Variants in QKI observed in about 807,000 individuals in gnomAD.
QKI encodes the protein QKI, KH domain containing RNA binding, also known as KH domain-containing RNA-binding protein QKI.
In QKI, 10 loss-of-function variants were observed where a neutral mutation model predicts 39.0. The ratio of observed to expected loss-of-function variants is 0.26; its 90% CI spans 0.16 to 0.43. The LOEUF (loss-of-function observed/expected upper bound fraction) is 0.43, where lower values mean the gene tolerates loss of function less well. Among genes scored for constraint, QKI ranks in the 20% least tolerant of loss-of-function variants. The probability of loss-of-function intolerance (pLI) is 1.00; values close to 1 mark genes in which losing one functional copy is unlikely to be tolerated. For synonymous variants in QKI, 204 were observed against 155.4 expected, an observed-to-expected ratio of 1.31 and a Z score of -2.33; for missense variants, 218 against 428.0, an observed-to-expected ratio of 0.51 and a Z score of 4.33.
rs751597293 is a variant in QKI at position 163,534,962 on chromosome 6, G to A, written c.403-20G>A. ...CTTTAAAGAGAATAATTTTAATCAT[G>A]TACTCTGTAAATTTTTTAGGAGGAG... On this transcript the variant is annotated intron_variant, in intron 3 of 7. Transcript: ENST00000361752. 22 of 1,575,098 alleles carry A rather than the reference G, an allele frequency of 1.4e-5. No homozygotes were observed. The highest frequency in any genetic ancestry group is 1.7e-5 in the Non-Finnish European group (20 of 1,158,400).
At chr6:163,533,267 T>A (rs940135159) in intron 3 of QKI, among the ~76,000 whole-genome samples, 1 of 152,212 alleles carries the variant, frequency 6.6e-6, no homozygotes, top group Non-Finnish European at 1.5e-5. Context: ...TTAATACATA[T>A]TTTATTTCTT....
chr6:163,484,875 C>G (rs1322646823), intron 3 of QKI, among the ~76,000 whole-genome samples: 1 of 152,012 alleles, frequency 6.6e-6, no homozygotes, highest in Non-Finnish European at 1.5e-5. Flanking sequence ...CTTGGAGACA[C>G]GAATTGAGCA....
intron 3 of QKI, among the ~76,000 whole-genome samples, chr6:163,497,639 T>TAAA (rs57352765): frequency 4.7e-5 from 7 of 148,412 alleles, no homozygotes; most frequent in African/African-American, 1.7e-4. Flanking sequence ...TATTGTTTGT[T>TAAA]AAAAAAAAAA....
intron 2 of QKI, among the ~76,000 whole-genome samples, chr6:163,475,541 A>G (rs1230131968): frequency 6.6e-6 from 1 of 152,152 alleles, no homozygotes; most frequent in African/African-American, 2.4e-5. Context: ...ACCTGTAACC[A>G]ATCCCCCCCA....
chr6:163,554,572 T>C (rs1782465675), intron 4 of QKI, among the ~76,000 whole-genome samples: 1 of 152,264 alleles, frequency 6.6e-6, no homozygotes, highest in Non-Finnish European at 1.5e-5. Flanking sequence ...ACATCTCCAC[T>C]TAGGTGTTTA....
intron 1 of QKI, among the ~76,000 whole-genome samples, chr6:163,418,067 A>C (rs2128206287): frequency 1.3e-5 from 2 of 149,424 alleles, no homozygotes; most frequent in South Asian, 4.2e-4. Context: ...CAAATTGATC[A>C]TGACTTTTGT....
chr6:163,417,177 A>C (rs1371522883), intron 1 of QKI, among the ~76,000 whole-genome samples: 1 of 151,990 alleles, frequency 6.6e-6, no homozygotes, highest in Non-Finnish European at 1.5e-5. Context: ...TCAAAATAAC[A>C]CTCTTACTGT....
chr6:163,532,950 A>G (rs1780953620), intron 3 of QKI, among the ~76,000 whole-genome samples: 1 of 152,130 alleles, frequency 6.6e-6, no homozygotes, highest in East Asian at 1.9e-4. Flanking sequence ...TCTGATGTCC[A>G]GTGGCTTGAA....
intron 2 of QKI, among the ~76,000 whole-genome samples, chr6:163,464,635 A>G (rs912893475): frequency 2.0e-5 from 3 of 152,212 alleles, no homozygotes; most frequent in Non-Finnish European, 4.4e-5. Flanking sequence ...GGACCACATC[A>G]TGAAGGAACA....
chr6:163,570,930 G>A lies in QKI; in HGVS notation c.*220G>A. On this transcript the variant is annotated 3_prime_UTR_variant, in exon 8 of 8. Transcript: ENST00000361752. ...TTTTTTTCCTGTTTGGGTGAAAGTG[G>A]TTCTAGAAACTGCACTGAATAGTAG... is the stretch of plus-strand genomic sequence containing the variant. 3.4e-6 allele frequency: 2 copies of A among 593,522 alleles called. No individual in the cohort carries two copies. Among genetic ancestry groups the A allele is most frequent in the Non-Finnish European group, 5.6e-6 (2 of 357,018 alleles). 36.8% of individuals were successfully genotyped at this position (593,522 alleles called of 1,614,324 possible). A position where few individuals can be genotyped will look rare whatever the true frequency, so the allele number is the denominator to read the frequency against.
At chr6:163,498,009 T>A (rs181870855) in intron 3 of QKI, among the ~76,000 whole-genome samples, 183 of 152,266 alleles carry the variant, frequency 1.2e-3, no homozygotes, top group Non-Finnish European at 2.2e-3. Context: ...AAATACTACT[T>A]TAAAAATTTC....
chr6:163,505,246 T>C (rs1779021011), intron 3 of QKI, among the ~76,000 whole-genome samples: 1 of 152,180 alleles, frequency 6.6e-6, no homozygotes, highest in Admixed American at 6.5e-5. Flanking sequence ...ATGGAGAACC[T>C]CTGCTACGGC....
At chr6:163,505,274 T>G (rs1779022744) in intron 3 of QKI, among the ~76,000 whole-genome samples, 1 of 152,178 alleles carries the variant, frequency 6.6e-6, no homozygotes. Context: ...AAGGGAAATG[T>G]GAGGTTGGAA....
chr6:163,526,492 G>A lies in QKI; in HGVS notation c.403-8490G>A, dbSNP rs146971310. On this transcript the variant is annotated intron_variant, in intron 3 of 7. Coordinates refer to ENST00000361752, the MANE Select transcript of QKI (RefSeq NM_006775.3). ...ATTTTGTGCTTCAGTGGGCAGTAAC[G>A]AATTTTATGTGGGTGCTTGTTAGCA... is the stretch of plus-strand genomic sequence containing the variant. Among the ~76,000 whole-genome samples the A allele has an allele frequency of 5.3e-3, 802 of 152,272 alleles. 11 individuals carry two copies. Among genetic ancestry groups the A allele is most frequent in the African/African-American group, 0.018 (751 of 41,554 alleles).
At chr6:163,455,959 T>G (rs921005762) in intron 2 of QKI, among the ~76,000 whole-genome samples, 3 of 152,244 alleles carry the variant, frequency 2.0e-5, no homozygotes, top group Admixed American at 1.3e-4. Flanking sequence ...GATTCTTTGC[T>G]TTTTGTTACA....
intron 1 of QKI, among the ~76,000 whole-genome samples, chr6:163,441,635 A>T (rs1345163760): frequency 2.0e-5 from 3 of 152,170 alleles, no homozygotes; most frequent in African/African-American, 7.2e-5. Context: ...GAGTGTTCCT[A>T]TGGATTGAGG....
chr6:163,551,809 T>C (rs907068683), intron 4 of QKI, among the ~76,000 whole-genome samples: 4 of 152,350 alleles, frequency 2.6e-5, no homozygotes, highest in African/African-American at 7.2e-5. Flanking sequence ...TTGGAAGTCT[T>C]GTAAGAGCAG....
intron 1 of QKI, among the ~76,000 whole-genome samples, chr6:163,448,989 AAGTGACAGTTCTTC>A (rs1790357113): frequency 6.6e-6 from 1 of 152,178 alleles, no homozygotes. Context: ...CCTCTTTATG[AAGTGACAGTTCTTC>A]AGTTTTAAAT....
At chr6:163,460,268 T>C (rs550539425) in intron 2 of QKI, among the ~76,000 whole-genome samples, 2 of 152,214 alleles carry the variant, frequency 1.3e-5, no homozygotes, top group Non-Finnish European at 2.9e-5. Flanking sequence ...TAATTTTGAC[T>C]AATAGCTTTG....
Sources: allele counts gnomAD v4.1 joint callset (sites outside exome capture counted in the v4.1 genomes callset), GRCh38; gene constraint gnomAD v4.1.1; transcripts MANE v1.5; gene names NCBI Gene and HGNC (gene_info 2026-07-23, HGNC 2026-07-21).